Variants in SCML2 observed in about 807,000 individuals in gnomAD.
SCML2 encodes the protein Scm polycomb group protein like 2.
In SCML2, 6 loss-of-function variants were observed where a neutral mutation model predicts 48.4. The ratio of observed to expected loss-of-function variants is 0.12; its 90% CI spans 0.07 to 0.24. The LOEUF (loss-of-function observed/expected upper bound fraction) is 0.24. Ranked by LOEUF, SCML2 falls within the 10% of genes least tolerant of loss-of-function variation. The pLI is 1.00. For missense variants in SCML2, 377 were observed against 528.2 expected (o/e 0.71, Z 2.81); for synonymous variants, 181 against 189.5 (o/e 0.95, Z 0.37).
chrX:18,256,309 G>A (rs1926839123), intron 11 of SCML2, among the ~76,000 whole-genome samples: 1 of 110,914 alleles, frequency 9.0e-6, no homozygotes, highest in African/African-American at 3.3e-5. Context: ...AAAATTAGCT[G>A]GGCATGGTGG....
chrX:18,257,461 G>A (rs1199925375), intron 10 of SCML2, among the ~76,000 whole-genome samples: 1 of 111,853 alleles, frequency 8.9e-6, no homozygotes, highest in African/African-American at 3.2e-5. Flanking sequence ...CATGTAAAAC[G>A]AAGAATCTGT....
At chrX:18,353,094 C>A (rs1930423196) in intron 1 of SCML2, among the ~76,000 whole-genome samples, 1 of 102,416 alleles carries the variant, frequency 9.8e-6, no homozygotes, top group African/African-American at 3.6e-5. Flanking sequence ...CCACTGGATT[C>A]ATTTCCAAAA....
intron 1 of SCML2, among the ~76,000 whole-genome samples, chrX:18,353,979 G>C (rs1602161153): frequency 8.9e-6 from 1 of 112,586 alleles, no homozygotes; most frequent in South Asian, 3.6e-4. Flanking sequence ...GCCCCTCCTC[G>C]CCTCCCCGCC....
chrX:18,307,516 A>C (rs971660676), intron 6 of SCML2, among the ~76,000 whole-genome samples: 1 of 111,848 alleles, frequency 8.9e-6, no homozygotes, highest in African/African-American at 3.2e-5. Context: ...AATGCAGAAA[A>C]CATTCAAGGC....
chrX:18,286,952 T>C (rs989412046), intron 7 of SCML2, among the ~76,000 whole-genome samples: 9 of 110,139 alleles, frequency 8.2e-5, no homozygotes, highest in African/African-American at 2.6e-4. Flanking sequence ...TTGCACCAAT[T>C]TCCCTATTTG....
At chrX:18,344,904 T>A (rs986946628) in intron 1 of SCML2, among the ~76,000 whole-genome samples, 3 of 111,153 alleles carry the variant, frequency 2.7e-5, no homozygotes, top group African/African-American at 9.8e-5. Context: ...TCAATGATAA[T>A]GGTGTTGGCA....
At chrX:18,298,403 T>C (rs937117046) in intron 7 of SCML2, among the ~76,000 whole-genome samples, 1 of 112,120 alleles carries the variant, frequency 8.9e-6, no homozygotes, top group South Asian at 3.7e-4. Context: ...ATGGTATTAA[T>C]ATAAAAACAA....
intron 13 of SCML2, 111 bp downstream of exon 13, chrX:18,246,466 C>A: frequency 1.2e-6 from 1 of 848,795 alleles, no homozygotes; most frequent in Non-Finnish European, 1.6e-6. Context: ...AGGACTCAGC[C>A]TCCCAAATTT....
intron 8 of SCML2, among the ~76,000 whole-genome samples, chrX:18,260,878 A>T (rs775314911): frequency 4.6e-5 from 5 of 109,692 alleles, no homozygotes; most frequent in Non-Finnish European, 9.4e-5. Context: ...GAGCATTGTT[A>T]AACTTCACTA....
intron 7 of SCML2, among the ~76,000 whole-genome samples, chrX:18,267,197 C>A (rs1335613323): frequency 8.9e-6 from 1 of 111,898 alleles, no homozygotes; most frequent in Non-Finnish European, 1.9e-5. Context: ...TGTCCCCTTT[C>A]TCCAATTCCA....
chrX:18,329,171 T>C lies in SCML2; in HGVS notation c.91+1416A>G, dbSNP rs775748178. 2.7e-5 allele frequency among the ~76,000 whole-genome samples: 3 copies of C among 112,268 alleles called. No homozygotes were observed. The South Asian group carries it at 1.1e-3, about 42-fold the overall frequency. ...GGTGAATTATATGATATTTGAATTA[T>C]AACTCAGTAAAGCTGTTATATTTTT... is the stretch of plus-strand genomic sequence containing the variant. On this transcript the variant is annotated intron_variant, in intron 3 of 14. Coordinates refer to ENST00000251900, the MANE Select transcript of SCML2 (RefSeq NM_006089.3).
At chrX:18,343,775 A>G (rs1195315202) in intron 1 of SCML2, among the ~76,000 whole-genome samples, 5 of 105,440 alleles carry the variant, frequency 4.7e-5, no homozygotes, top group Non-Finnish European at 9.7e-5. Context: ...AAAAAAAAAA[A>G]AAAAGAAAAA....
intron 11 of SCML2, among the ~76,000 whole-genome samples, chrX:18,248,115 G>T (rs1482790933): frequency 1.8e-5 from 2 of 111,758 alleles, no homozygotes; most frequent in Non-Finnish European, 3.8e-5. Context: ...AGCATATCTA[G>T]GCTTCTTTAT....
Position 18,305,895 on chromosome X carries a change from C to T in SCML2, c.487-680G>A, listed in dbSNP as rs187981303. Among the ~76,000 whole-genome samples the T allele has an allele frequency of 3.9e-3, 433 of 110,889 alleles. 4 individuals carry two copies. The highest frequency in any genetic ancestry group is 0.013 in the African/African-American group (411 of 30,562). The stretch of plus-strand genomic sequence containing the variant: ...TATTAGTCACAAAAAGGTTAAAGCA[C>T]GTAAATGTTAACAGGATTGCTAAAA... On this transcript the variant is annotated intron_variant, in intron 6 of 14. Coordinates refer to ENST00000251900, the MANE Select transcript of SCML2 (RefSeq NM_006089.3).
intron 7 of SCML2, among the ~76,000 whole-genome samples, chrX:18,279,065 C>T (rs752043135): frequency 2.3e-4 from 26 of 112,483 alleles, no homozygotes; most frequent in Non-Finnish European, 1.1e-4. Context: ...ATCACAAGCA[C>T]AACAGTCATC....
At chrX:18,338,157 G>GA (rs1427837396) in intron 1 of SCML2, among the ~76,000 whole-genome samples, 1 of 111,896 alleles carries the variant, frequency 8.9e-6, no homozygotes, top group Non-Finnish European at 1.9e-5. Context: ...TAGAAAAGAT[G>GA]AAAGGGCCAG....
intron 1 of SCML2, among the ~76,000 whole-genome samples, chrX:18,335,714 T>C (rs1359695441): frequency 9.0e-6 from 1 of 111,129 alleles, no homozygotes; most frequent in African/African-American, 3.3e-5. Context: ...AAAATACGTA[T>C]ACAGATGATC....
chrX:18,306,341 G>T (rs184896679), intron 6 of SCML2, among the ~76,000 whole-genome samples: 44 of 111,126 alleles, frequency 4.0e-4, no homozygotes, highest in African/African-American at 1.2e-3. Flanking sequence ...AGTCTGTCTC[G>T]GAGTCACCTC....
rs181378821 is a variant in SCML2 at position 18,350,269 on chromosome X, C to T, written c.-25+4323G>A. On this transcript the variant is annotated intron_variant, in intron 1 of 14. Coordinates refer to ENST00000251900, the MANE Select transcript of SCML2 (RefSeq NM_006089.3). Reference sequence around the variant, plus strand: ...ACTCCAGCCTGGGCAACAGACAGAGCAAGACTCTCAAAAAAAACAAAGGCC... The same window carrying T: ...ACTCCAGCCTGGGCAACAGACAGAGTAAGACTCTCAAAAAAAACAAAGGCC... 4.8e-4 allele frequency among the ~76,000 whole-genome samples: 51 copies of T among 107,246 alleles called. 1 individual carries two copies. In the East Asian group the frequency reaches 0.01, roughly 22 times the overall value. 93.1% of individuals were successfully genotyped at this position (107,246 alleles called of 115,157 possible).
Sources: allele counts gnomAD v4.1 joint callset (sites outside exome capture counted in the v4.1 genomes callset), GRCh38; gene constraint gnomAD v4.1.1; transcripts MANE v1.5; gene names NCBI Gene and HGNC (gene_info 2026-07-23, HGNC 2026-07-21).